The following NHSL1 variants were observed in gnomAD, a reference collection of about 807,000 sequenced individuals.
The protein encoded by NHSL1 is NHS like 1.
NHSL1 carries 48 observed loss-of-function variants against 95.0 expected under a neutral mutation model. That is an observed-to-expected ratio of 0.51 (90% CI 0.40 to 0.64). The LOEUF (loss-of-function observed/expected upper bound fraction) is 0.64. NHSL1 is among the 30% of genes least tolerant of loss of function. The pLI is 0.00. For missense variants in NHSL1, 1,971 were observed against 2,077.7 expected (o/e 0.95, Z 1.00); for synonymous variants, 783 against 833.9 (o/e 0.94, Z 1.05).
At chr6:138,548,148 A>AT (rs970960507), upstream of NHSL1, among the ~76,000 whole-genome samples, 1 of 151,128 alleles carries the variant, frequency 6.6e-6, no homozygotes, top group African/African-American at 2.4e-5. Flanking sequence ...TGCCCGGCTA[A>AT]TTTTTTTTTG....
chr6:138,617,189 A>T (rs1265849730), intron 1 of NHSL1, among the ~76,000 whole-genome samples: 1 of 152,198 alleles, frequency 6.6e-6, no homozygotes, highest in East Asian at 1.9e-4. Context: ...CAATGGTGAG[A>T]CATATAGAAT....
intron 1 of NHSL1, among the ~76,000 whole-genome samples, chr6:138,613,412 G>C (rs1444415986): frequency 6.6e-6 from 1 of 152,202 alleles, no homozygotes; most frequent in Non-Finnish European, 1.5e-5. Flanking sequence ...GGGTCCGAGA[G>C]TGTGAGCCAA....
chr6:138,500,775 A>G (rs528317434), upstream of NHSL1, among the ~76,000 whole-genome samples: 6 of 152,226 alleles, frequency 3.9e-5, no homozygotes, highest in Non-Finnish European at 7.3e-5. Context: ...ATTCCTTCTC[A>G]GGTCTTTTTA....
chr6:138,687,688 AAG>A (rs1208455870), intron 1 of NHSL1, among the ~76,000 whole-genome samples: 1 of 152,224 alleles, frequency 6.6e-6, no homozygotes, highest in Admixed American at 6.5e-5. Context: ...TAATTATAAA[AAG>A]AAACAAATTA....
chr6:138,515,388 T>C (rs1781416636), intron 1 of NHSL1, among the ~76,000 whole-genome samples: 1 of 152,140 alleles, frequency 6.6e-6, no homozygotes, highest in South Asian at 2.1e-4. Flanking sequence ...CACCAAACAA[T>C]ACTCTAGGCA....
At chr6:138,617,669 C>T (rs1784598736) in intron 1 of NHSL1, among the ~76,000 whole-genome samples, 1 of 152,220 alleles carries the variant, frequency 6.6e-6, no homozygotes, top group Admixed American at 6.5e-5. Context: ...CATACACAAA[C>T]ACAATGAAGA....
intron 4 of NHSL1, among the ~76,000 whole-genome samples, chr6:138,446,099 G>A (rs567607550): frequency 2.3e-4 from 35 of 150,628 alleles, no homozygotes; most frequent in African/African-American, 6.8e-4. Context: ...GCAATGGTGC[G>A]ATCTCTCGGC....
At chr6:138,625,610 T>G (rs1784726452) in intron 1 of NHSL1, among the ~76,000 whole-genome samples, 1 of 149,956 alleles carries the variant, frequency 6.7e-6, no homozygotes, top group African/African-American at 2.5e-5. Context: ...CAGTATGAGC[T>G]CTAAAGTACT....
At chr6:138,611,546 A>G (rs1784511773) in intron 1 of NHSL1, among the ~76,000 whole-genome samples, 1 of 152,034 alleles carries the variant, frequency 6.6e-6, no homozygotes, top group African/African-American at 2.4e-5. Context: ...GGAGATCGAG[A>G]CCATCCTGGC....
At chr6:138,617,805 CCT>C (rs1247599589) in intron 1 of NHSL1, among the ~76,000 whole-genome samples, 1 of 152,166 alleles carries the variant, frequency 6.6e-6, no homozygotes, top group African/African-American at 2.4e-5. Context: ...GATGTGTGTC[CCT>C]CTCCCTGTCA....
chr6:138,445,965 G>T (rs1230264844), intron 4 of NHSL1, among the ~76,000 whole-genome samples: 1 of 149,910 alleles, frequency 6.7e-6, no homozygotes, highest in African/African-American at 2.5e-5. Flanking sequence ...TTTGCACTTT[G>T]TGCCCTCCCC....
intron 2 of NHSL1, among the ~76,000 whole-genome samples, chr6:138,480,174 C>G (rs1779328346): frequency 6.6e-6 from 1 of 152,080 alleles, no homozygotes; most frequent in African/African-American, 2.4e-5. Flanking sequence ...GTTCCAGAAC[C>G]CCAGAATATC....
At chr6:138,567,873 A>G (rs1783678846) in intron 1 of NHSL1, among the ~76,000 whole-genome samples, 2 of 152,206 alleles carry the variant, frequency 1.3e-5, no homozygotes, top group Non-Finnish European at 1.5e-5. Flanking sequence ...TTGCATGTCA[A>G]TTACCTTCTC....
In NHSL1 at chr6:138,437,393, T is replaced by TATATATACAC. The variant is rs1562270625; in HGVS notation, c.665-3714_665-3713insGTGTATATAT. Among the ~76,000 whole-genome samples, 47 of 110,112 alleles carry TATATATACAC rather than the reference T, an allele frequency of 4.3e-4. 3 individuals carry two copies. The highest frequency in any genetic ancestry group is 1.1e-3 in the African/African-American group (28 of 24,756). 72.2% of individuals were successfully genotyped at this position (110,112 alleles called of 152,430 possible). A position where few individuals can be genotyped will look rare whatever the true frequency, so the allele number is the denominator to read the frequency against. Reference sequence around the variant, plus strand: ...ATATACACATATATATATACACATATATATATATATACACACATATACACA... The same window carrying TATATATACAC: ...ATATACACATATATATATACACATATATATATACACATATATATATACACACATATACACA... On this transcript the variant is annotated intron_variant, in intron 5 of 7. Transcript: ENST00000343505.
At chr6:138,608,676 G>T (rs1457009461) in intron 1 of NHSL1, among the ~76,000 whole-genome samples, 2 of 152,070 alleles carry the variant, frequency 1.3e-5, no homozygotes, top group East Asian at 1.9e-4. Flanking sequence ...TACTAACTAC[G>T]AACTGCAGTT....
upstream of NHSL1, among the ~76,000 whole-genome samples, chr6:138,548,714 A>T (rs1782896334): frequency 6.6e-6 from 1 of 152,226 alleles, no homozygotes; most frequent in Non-Finnish European, 1.5e-5. Context: ...TTTTGGTATG[A>T]ATACACACAC....
intron 3 of NHSL1, among the ~76,000 whole-genome samples, chr6:138,453,257 AG>A (rs1777358869): frequency 6.6e-6 from 1 of 152,192 alleles, no homozygotes; most frequent in South Asian, 2.1e-4. Flanking sequence ...TACAAGCGTG[AG>A]CCACCATGCC....
At position 138,430,449 on chromosome 6, in the gene NHSL1, T is replaced by C; in HGVS notation, c.3896A>G (p.Asn1299Ser). 1.9e-6 allele frequency: 3 copies of C among 1,545,016 alleles called. No individual in the cohort carries two copies. Among genetic ancestry groups the C allele is most frequent in the Non-Finnish European group, 2.6e-6 (3 of 1,143,376 alleles). ...PAPKQEEPAE[N>S]SADTGGDGES... ...CCCATCGCCCCCAGTATCCGCACTG[T>C]TCTCGGCTGGCTCCTCCTGCTTGGG... Residue 1299 changes from asparagine to serine, a missense_variant, in exon 6 of 8, where the codon AAC becomes AGC. By Grantham distance (46) the Asn-to-Ser change is conservative (BLOSUM62 1). This residue lies in a region of NHSL1 where 1,602 missense variants were observed against 1,654.5 expected (regional missense o/e 0.97). Transcript: ENST00000343505. The surrounding 1 kb of genome is among the most constrained non-coding windows in gnomAD (Gnocchi z 4.7).
chr6:138,533,488 C>T (rs1302936534), intron 1 of NHSL1, among the ~76,000 whole-genome samples: 2 of 151,954 alleles, frequency 1.3e-5, no homozygotes, highest in Admixed American at 6.6e-5. Flanking sequence ...GTGGAGGTTG[C>T]GGTGAGCCGA....
Sources: gnomAD v4.1 joint callset for allele counts (sites outside exome capture counted in the v4.1 genomes callset) on GRCh38, gnomAD v4.1.1 for gene constraint, gnomAD v4.1.1 regional missense constraint, Gnocchi (gnomAD v3.1) non-coding constraint, MANE v1.5 for transcripts, NCBI Gene and HGNC (gene_info 2026-07-23, HGNC 2026-07-21) for gene names.